CAMK2B: variants seen among roughly 807,000 people sequenced by gnomAD.
The protein encoded by CAMK2B is calcium/calmodulin dependent protein kinase II beta.
Under a neutral mutation model 93.7 loss-of-function variants are expected in CAMK2B, and 27 were observed. The observed-to-expected ratio is 0.29, with a 90% CI of 0.21 to 0.40. The LOEUF is 0.40. CAMK2B is among the 10% of genes least tolerant of loss of function. The pLI, the probability that CAMK2B is intolerant of heterozygous loss-of-function variation, is 1.00. For synonymous variants in CAMK2B, 374 were observed against 358.8 expected (o/e 1.04, Z -0.48); for missense variants, 568 against 895.8 (o/e 0.63, Z 4.67).
intron 10 of CAMK2B, among the ~76,000 whole-genome samples, 153 bp downstream of exon 10, chr7:44,242,065 C>T (rs1353924216): frequency 6.6e-6 from 1 of 152,164 alleles, no homozygotes; most frequent in African/African-American, 2.4e-5. Flanking sequence ...GCTGGTATGT[C>T]CCAAGCCAGA....
chr7:44,294,605 C>T (rs1787780903), intron 1 of CAMK2B, among the ~76,000 whole-genome samples: 1 of 152,212 alleles, frequency 6.6e-6, no homozygotes, highest in Non-Finnish European at 1.5e-5. Context: ...CAGGCTACCT[C>T]CTGGCCCTGG....
intron 3 of CAMK2B, among the ~76,000 whole-genome samples, 179 bp from the exon 4 acceptor site, chr7:44,259,105 C>T (rs1365744584): frequency 1.3e-5 from 2 of 152,178 alleles, no homozygotes; most frequent in Admixed American, 1.3e-4. Flanking sequence ...GTGCTTTGGG[C>T]CCTGCGGGCC....
intron 1 of CAMK2B, among the ~76,000 whole-genome samples, chr7:44,314,521 C>T (rs1267296847): frequency 1.3e-5 from 2 of 152,216 alleles, no homozygotes; most frequent in East Asian, 1.9e-4. Context: ...ATTTTTCTCA[C>T]GCATTCAATC....
chr7:44,292,088 G>T (rs1031372512), intron 1 of CAMK2B, among the ~76,000 whole-genome samples: 1 of 152,172 alleles, frequency 6.6e-6, no homozygotes, highest in Non-Finnish European at 1.5e-5. Context: ...GATTAGGGCT[G>T]GTTCCTTCCT....
rs748795342 is a variant in CAMK2B, at chr7:44,311,178, C to T, written c.65+14179G>A. On this transcript the variant is annotated intron_variant, in intron 1 of 23. Transcript: ENST00000395749. This position sits in a 1 kb window ranked among gnomAD's most constrained non-coding sequence, Gnocchi z 4.2. ...AACCTCTGCAACCCCCTGGTTCAAG[C>T]GATTCTCCTGCCTCAACCTCCTGAG... Among the ~76,000 whole-genome samples, 9 of 152,270 alleles carry T rather than the reference C, an allele frequency of 5.9e-5. No homozygotes were observed. The highest frequency in any genetic ancestry group is 1.9e-4 in the East Asian group (1 of 5,184).
At chr7:44,321,349 G>A (rs920031699) in intron 1 of CAMK2B, among the ~76,000 whole-genome samples, 34 of 152,264 alleles carry the variant, frequency 2.2e-4, no homozygotes, top group African/African-American at 7.5e-4. Flanking sequence ...GCTTGCTGGC[G>A]ACTGGGGTAC....
chr7:44,228,820 G>T lies in CAMK2B; in HGVS notation c.1444C>A (p.Leu482Ile). 3 of 1,532,492 alleles carry T rather than the reference G, an allele frequency of 2.0e-6. No individual in the cohort carries two copies. The highest frequency in any genetic ancestry group is 2.6e-6 in the Non-Finnish European group (3 of 1,144,668). 94.9% of individuals were successfully genotyped at this position (1,532,492 alleles called of 1,614,324 possible). ...AGPPPCLSPALLGPLSSPSPR... is the reference protein window; with the variant it reads ...AGPPPCLSPAILGPLSSPSPR... ...CACGGGGAGGACAGGGGGCCTAGGA[G>T]AGCCGGAGACAGGCAGGGCGGGGGC... is the stretch of plus-strand genomic sequence containing the variant. Residue 482 changes from leucine (L) to isoleucine (I), a missense_variant, in exon 19 of 24, where the codon CTC becomes ATC. Coordinates refer to ENST00000395749, the MANE Select transcript of CAMK2B (RefSeq NM_001220.5).
At chr7:44,239,691 G>A in intron 12 of CAMK2B, 28 bp from the exon 13 acceptor site, 1 of 1,215,158 alleles carries the variant, frequency 8.2e-7, no homozygotes, top group East Asian at 3.3e-5. Flanking sequence ...GAGACGAGGG[G>A]AAGGGAGGGG....
At chr7:44,301,205 G>A (rs186717335) in intron 1 of CAMK2B, among the ~76,000 whole-genome samples, 2 of 152,054 alleles carry the variant, frequency 1.3e-5, no homozygotes, top group East Asian at 1.9e-4. Context: ...ATAGCCCACC[G>A]CAGCCTTGAA....
chr7:44,233,036 A>C (rs962062327), intron 15 of CAMK2B, among the ~76,000 whole-genome samples, 170 bp from the exon 16 acceptor site: 1 of 152,064 alleles, frequency 6.6e-6, no homozygotes, highest in Non-Finnish European at 1.5e-5. Flanking sequence ...GGCGTGGAGC[A>C]GCTGGGGGAG....
At chr7:44,245,128 C>G (rs1479223608) in intron 6 of CAMK2B, 1 of 369,686 alleles carries the variant, frequency 2.7e-6, no homozygotes, top group Non-Finnish European at 5.4e-6. Context: ...AGCAGTTCTT[C>G]CGAAGAGAAG....
At chr7:44,253,339 G>T (rs538504277) in intron 5 of CAMK2B, among the ~76,000 whole-genome samples, 1 of 150,116 alleles carries the variant, frequency 6.7e-6, no homozygotes, top group African/African-American at 2.5e-5. Context: ...TCAGCCTCCC[G>T]AGTAGCTGGG....
chr7:44,256,878 T>C (rs955608133), intron 4 of CAMK2B, among the ~76,000 whole-genome samples: 6 of 152,302 alleles, frequency 3.9e-5, no homozygotes, highest in Admixed American at 6.5e-5. Flanking sequence ...GAAGGGAGTT[T>C]GCTCCTCCAC....
chr7:44,310,172 T>C (rs749739997), intron 1 of CAMK2B, among the ~76,000 whole-genome samples: 14 of 152,260 alleles, frequency 9.2e-5, no homozygotes, highest in Non-Finnish European at 1.6e-4. Context: ...GGGTTTTTGT[T>C]TGGTTTCAGA....
At chr7:44,222,705 A>G (rs1166818345) in intron 20 of CAMK2B, among the ~76,000 whole-genome samples, 1 of 152,136 alleles carries the variant, frequency 6.6e-6, no homozygotes, top group African/African-American at 2.4e-5. Flanking sequence ...CGGCCTCCCA[A>G]AGTGCTGGGA....
In CAMK2B at chr7:44,225,410, C is replaced by A. The variant is rs2096463031; in HGVS notation, c.1597+1106G>T. On this transcript the variant is annotated intron_variant, in intron 20 of 23. Transcript: ENST00000395749. This position sits in a 1 kb window ranked among gnomAD's most constrained non-coding sequence, Gnocchi z 5.0. ...CGGCGGCCCCTCCCCATGCCTCCCTCCTTGAGTTCTGGTCGCCCAGGCACC... is the reference window on the plus strand; with the variant it reads ...CGGCGGCCCCTCCCCATGCCTCCCTACTTGAGTTCTGGTCGCCCAGGCACC... Among the ~76,000 whole-genome samples, 1 of 152,150 alleles carries A rather than the reference C, an allele frequency of 6.6e-6. No homozygotes were observed. The highest frequency in any genetic ancestry group is 2.4e-5 in the African/African-American group (1 of 41,422).
chr7:44,266,488 C>T (rs1048473523), intron 2 of CAMK2B, among the ~76,000 whole-genome samples: 2 of 152,240 alleles, frequency 1.3e-5, no homozygotes, highest in Non-Finnish European at 2.9e-5. Context: ...CTGGAGGAAC[C>T]TCCAGCTCGG....
chr7:44,295,118 G>C (rs140983323), intron 1 of CAMK2B, among the ~76,000 whole-genome samples: 2 of 152,324 alleles, frequency 1.3e-5, no homozygotes, highest in East Asian at 3.9e-4. Context: ...ATATTACACA[G>C]GGTTGATGTG....
At chr7:44,246,069 G>A (rs367861980) in intron 6 of CAMK2B, among the ~76,000 whole-genome samples, 3 of 152,274 alleles carry the variant, frequency 2.0e-5, no homozygotes, top group South Asian at 2.1e-4. Flanking sequence ...ACCTTCTTCC[G>A]AACACAGCCT....
Sources: allele counts gnomAD v4.1 joint callset (sites outside exome capture counted in the v4.1 genomes callset), GRCh38; gene constraint gnomAD v4.1.1; non-coding constraint Gnocchi (gnomAD v3.1); transcripts MANE v1.5; gene names NCBI Gene and HGNC (gene_info 2026-07-23, HGNC 2026-07-21).